The following AKAP6 variants were observed in gnomAD, a reference collection of about 807,000 sequenced individuals.
AKAP6 encodes the protein A-kinase anchoring protein 6, also known as A-kinase anchor protein 6.
AKAP6 carries 58 observed loss-of-function variants against 188.5 expected under a neutral mutation model. The ratio of observed to expected loss-of-function variants is 0.31; its 90% CI spans 0.25 to 0.38. The LOEUF (loss-of-function observed/expected upper bound fraction) is 0.38, where lower values mean the gene tolerates loss of function less well. AKAP6 is among the 10% of genes least tolerant of loss of function. The probability of loss-of-function intolerance (pLI) is 1.00; values close to 1 mark genes in which losing one functional copy is unlikely to be tolerated. For synonymous variants in AKAP6, 989 were observed against 998.6 expected (o/e 0.99, Z 0.18); for missense variants, 2,710 against 2,740.0 (o/e 0.99, Z 0.24).
chr14:32,555,360 T>A (rs17099266), intron 4 of AKAP6, among the ~76,000 whole-genome samples: 5,615 of 152,142 alleles, frequency 0.037, 158 homozygotes, highest in East Asian at 0.093. Flanking sequence ...TTCCAAGAGG[T>A]AGAATGGGTC....
intron 1 of AKAP6, among the ~76,000 whole-genome samples, chr14:32,424,870 A>G (rs954218333): frequency 1.3e-5 from 2 of 152,198 alleles, no homozygotes; most frequent in Non-Finnish European, 2.9e-5. Flanking sequence ...TCCATGGTAT[A>G]TATGTACCTC....
chr14:32,684,845 A>G (rs1889836568), intron 8 of AKAP6, among the ~76,000 whole-genome samples: 1 of 152,168 alleles, frequency 6.6e-6, no homozygotes, highest in Admixed American at 6.6e-5. Flanking sequence ...TTTATTTTCC[A>G]ACTACTGTGT....
intron 3 of AKAP6, among the ~76,000 whole-genome samples, chr14:32,538,936 AC>A (rs1472544316): frequency 6.6e-6 from 1 of 152,156 alleles, no homozygotes; most frequent in Non-Finnish European, 1.5e-5. Flanking sequence ...ATAAAACAAA[AC>A]CAGTTTTTAA....
chr14:32,395,438 G>A (rs531533958), intron 1 of AKAP6, among the ~76,000 whole-genome samples: 194 of 152,236 alleles, frequency 1.3e-3, no homozygotes, highest in South Asian at 8.1e-3. Flanking sequence ...GGGATACTGA[G>A]GGTGAAGTTA....
At chr14:32,478,556 C>G (rs1457659702) in intron 2 of AKAP6, among the ~76,000 whole-genome samples, 1 of 151,898 alleles carries the variant, frequency 6.6e-6, no homozygotes, top group Non-Finnish European at 1.5e-5. Context: ...ATAAAAAAAA[C>G]AAAAATTTAA....
chr14:32,721,305 G>A (rs1372332890), intron 9 of AKAP6, among the ~76,000 whole-genome samples: 1 of 152,184 alleles, frequency 6.6e-6, no homozygotes, highest in Non-Finnish European at 1.5e-5. Context: ...TTATGCCCAT[G>A]CTGCTGGTAG....
chr14:32,666,992 CT>C (rs1259405604), intron 7 of AKAP6, among the ~76,000 whole-genome samples: 8 of 151,848 alleles, frequency 5.3e-5, no homozygotes, highest in African/African-American at 1.9e-4. Context: ...AAAGTGAAGT[CT>C]TTTTATTGTG....
intron 7 of AKAP6, among the ~76,000 whole-genome samples, chr14:32,643,049 A>G (rs761970934): frequency 5.3e-5 from 8 of 152,188 alleles, no homozygotes; most frequent in Non-Finnish European, 1.0e-4. Context: ...ACTAGAGCAA[A>G]TCTGTACATT....
intron 1 of AKAP6, among the ~76,000 whole-genome samples, chr14:32,385,683 C>T (rs1010394971): frequency 1.3e-5 from 2 of 151,430 alleles, no homozygotes. Context: ...TCCTGAGTTA[C>T]TTCACTTAGA....
chr14:32,768,939 G>GTAGAAAATCTGGTCAT (rs1396119982), intron 11 of AKAP6, among the ~76,000 whole-genome samples: 2 of 150,292 alleles, frequency 1.3e-5, no homozygotes, highest in African/African-American at 4.9e-5. Flanking sequence ...GACCCTTGTT[G>GTAGAAAATCTGGTCAT]TAGAAAATCT....
chr14:32,489,534 C>A (rs1879887547), intron 2 of AKAP6, among the ~76,000 whole-genome samples: 1 of 152,078 alleles, frequency 6.6e-6, no homozygotes, highest in Non-Finnish European at 1.5e-5. Context: ...TAAATTGCTA[C>A]ATATGTGTAT....
At chr14:32,659,467 G>A (rs1349504384) in intron 7 of AKAP6, among the ~76,000 whole-genome samples, 1 of 152,062 alleles carries the variant, frequency 6.6e-6, no homozygotes, top group African/African-American at 2.4e-5. Context: ...TCAAGGGTTG[G>A]TGTTATTTCG....
Position 32,675,676 on chromosome 14 carries a change from A to G in AKAP6, c.2731-2635A>G, listed in dbSNP as rs148610114. On this transcript the variant is annotated intron_variant, in intron 7 of 13. Coordinates refer to ENST00000280979, the MANE Select transcript of AKAP6 (RefSeq NM_004274.5). ...ATAGAAATAGAGATGGATAAGAAAG[A>G]CCTGGGCCATCTAATTCATCTCCTT... Among the ~76,000 whole-genome samples, 494 of 152,328 alleles carry G rather than the reference A, an allele frequency of 3.2e-3. 1 individual carries two copies. The highest frequency in any genetic ancestry group is 0.011 in the African/African-American group (469 of 41,574).
chr14:32,437,630 TCC>T (rs1319163390), intron 2 of AKAP6, among the ~76,000 whole-genome samples: 1 of 152,066 alleles, frequency 6.6e-6, no homozygotes, highest in Non-Finnish European at 1.5e-5. Context: ...AGGGTCTCAC[TCC>T]GTCACCCAGA....
At chr14:32,648,404 CT>C (rs1200130988) in intron 7 of AKAP6, among the ~76,000 whole-genome samples, 3 of 152,016 alleles carry the variant, frequency 2.0e-5, no homozygotes, top group Non-Finnish European at 4.4e-5. Flanking sequence ...TCAGAATTGC[CT>C]TTTTGGTGAG....
chr14:32,755,511 AATT>A (rs61016268), intron 11 of AKAP6, among the ~76,000 whole-genome samples: 40,149 of 148,972 alleles, frequency 0.27, 7,112 homozygotes, highest in African/African-American at 0.52. Context: ...AGATTAAGGC[AATT>A]ATTATTATTA....
At chr14:32,574,911 A>G (rs1884652487) in intron 4 of AKAP6, among the ~76,000 whole-genome samples, 1 of 152,184 alleles carries the variant, frequency 6.6e-6, no homozygotes, top group Admixed American at 6.6e-5. Context: ...TTATGAGAGT[A>G]TCGAGAATTA....
At chr14:32,655,728 G>C (rs969341614) in intron 7 of AKAP6, among the ~76,000 whole-genome samples, 3 of 152,146 alleles carry the variant, frequency 2.0e-5, no homozygotes, top group African/African-American at 7.2e-5. Flanking sequence ...CTATTTGGGA[G>C]CTGGTGATAA....
intron 7 of AKAP6, among the ~76,000 whole-genome samples, chr14:32,608,313 A>T (rs925877657): frequency 3.3e-5 from 5 of 151,846 alleles, no homozygotes; most frequent in African/African-American, 1.2e-4. Context: ...AGCCTGGCCA[A>T]TATGGTGAAA....
Sources: allele counts gnomAD v4.1 joint callset (sites outside exome capture counted in the v4.1 genomes callset), GRCh38; gene constraint gnomAD v4.1.1; transcripts MANE v1.5; gene names NCBI Gene and HGNC (gene_info 2026-07-23, HGNC 2026-07-21).